Variants in SMIM41 observed in about 807,000 individuals in gnomAD.
SMIM41 encodes the protein small integral membrane protein 41.
chr12:52,092,571 T>G (rs1412366427), intron 2 of SMIM41: 2 of 152,216 alleles, frequency 1.3e-5, no homozygotes, highest in Non-Finnish European at 2.9e-5. Flanking sequence ...AGGGAGAGGA[T>G]TTCAAAGCAG....
chr12:52,104,925 C>T (rs1565672212), intron 2 of SMIM41, among the ~76,000 whole-genome samples: 1 of 152,202 alleles, frequency 6.6e-6, no homozygotes, highest in Non-Finnish European at 1.5e-5. Context: ...CAGCTTGTTT[C>T]ATTTCCTCTG....
intron 2 of SMIM41, among the ~76,000 whole-genome samples, chr12:52,099,401 A>T (rs1390303591): frequency 6.6e-6 from 1 of 151,904 alleles, no homozygotes; most frequent in African/African-American, 2.4e-5. Context: ...GATATTAGGA[A>T]CAACATCACA....
At chr12:52,084,235 G>A (rs982230918) in intron 2 of SMIM41, among the ~76,000 whole-genome samples, 3 of 152,006 alleles carry the variant, frequency 2.0e-5, no homozygotes, top group African/African-American at 7.2e-5. Context: ...TTAGCTGGAT[G>A]TGGCGGTGCA....
intron 2 of SMIM41, among the ~76,000 whole-genome samples, chr12:52,085,868 G>A (rs1288252513): frequency 2.0e-5 from 3 of 152,294 alleles, no homozygotes; most frequent in Non-Finnish European, 4.4e-5. Flanking sequence ...ACTCATGTCC[G>A]CTGCTGATGG....
chr12:52,102,744 G>A (rs1019934218), intron 2 of SMIM41, among the ~76,000 whole-genome samples: 4 of 152,168 alleles, frequency 2.6e-5, no homozygotes, highest in African/African-American at 7.2e-5. Context: ...AGGAATGCTC[G>A]AATATGATTG....
intron 2 of SMIM41, among the ~76,000 whole-genome samples, chr12:52,090,193 C>G (rs1157189584): frequency 6.6e-6 from 1 of 152,112 alleles, no homozygotes; most frequent in Non-Finnish European, 1.5e-5. Flanking sequence ...GCCTCAGCCT[C>G]CTGAGTAGCT....
At chr12:52,099,833 C>T (rs894492691) in intron 2 of SMIM41, among the ~76,000 whole-genome samples, 9 of 151,950 alleles carry the variant, frequency 5.9e-5, no homozygotes, top group Admixed American at 3.9e-4. Context: ...GCACCTTCTG[C>T]GATATTGGGA....
intron 2 of SMIM41, among the ~76,000 whole-genome samples, chr12:52,090,963 C>T (rs1939991886): frequency 6.6e-6 from 1 of 152,218 alleles, no homozygotes; most frequent in African/African-American, 2.4e-5. Flanking sequence ...GTTCCAAACC[C>T]ACAAAGGTGA....
intron 2 of SMIM41, among the ~76,000 whole-genome samples, chr12:52,103,132 C>T (rs1213206745): frequency 6.6e-6 from 1 of 152,090 alleles, no homozygotes; most frequent in Admixed American, 6.5e-5. Flanking sequence ...TCAAGACCAG[C>T]CTGGCCATCT....
chr12:52,097,271 C>G (rs1592327669), intron 2 of SMIM41, among the ~76,000 whole-genome samples: 1 of 152,052 alleles, frequency 6.6e-6, no homozygotes, highest in Non-Finnish European at 1.5e-5. Flanking sequence ...AGTACTATCA[C>G]CCCCCTCTCT....
chr12:52,097,941 C>T (rs528842742), intron 2 of SMIM41, among the ~76,000 whole-genome samples: 1 of 151,522 alleles, frequency 6.6e-6, no homozygotes, highest in Non-Finnish European at 1.5e-5. Flanking sequence ...GAATGTTATC[C>T]TCTCCCCCGC....
chr12:52,084,385 CAAACA>C (rs373134381), intron 2 of SMIM41, among the ~76,000 whole-genome samples: 603 of 22,474 alleles, frequency 0.027, 2 homozygotes, highest in African/African-American at 0.098. Flanking sequence ...AAAAAAAAAA[CAAACA>C]AAAAAAAACA....
At chr12:52,091,727 T>C (rs1284029721) in intron 2 of SMIM41, among the ~76,000 whole-genome samples, 1 of 152,218 alleles carries the variant, frequency 6.6e-6, no homozygotes, top group African/African-American at 2.4e-5. Flanking sequence ...AGATGTATGA[T>C]AGCTCCTTAA....
chr12:52,102,546 G>A (rs897850714), intron 2 of SMIM41, among the ~76,000 whole-genome samples: 5 of 152,158 alleles, frequency 3.3e-5, no homozygotes, highest in Non-Finnish European at 7.3e-5. Flanking sequence ...GAAACCCAAA[G>A]CATCCCATTA....
intron 1 of SMIM41, among the ~76,000 whole-genome samples, chr12:52,082,841 G>T (rs1939837624): frequency 6.6e-6 from 1 of 152,166 alleles, no homozygotes; most frequent in Non-Finnish European, 1.5e-5. Flanking sequence ...CAAAGACGGG[G>T]GTGGCTCTCT....
At chr12:52,105,883 T>C (rs1199290934) in intron 2 of SMIM41, among the ~76,000 whole-genome samples, 4 of 152,224 alleles carry the variant, frequency 2.6e-5, no homozygotes, top group Non-Finnish European at 4.4e-5. Flanking sequence ...CTTATCTGTA[T>C]GGCAAGGGGT....
At chr12:52,094,197 ATTTT>A (rs562390454) in intron 2 of SMIM41, among the ~76,000 whole-genome samples, 2 of 131,684 alleles carry the variant, frequency 1.5e-5, no homozygotes. Flanking sequence ...GAAGTTTTTG[ATTTT>A]TTTTTTTTTT....
At chr12:52,088,995 C>T (rs1939938708) in intron 2 of SMIM41, among the ~76,000 whole-genome samples, 2 of 151,912 alleles carry the variant, frequency 1.3e-5, no homozygotes, top group Admixed American at 1.3e-4. Context: ...CAACCATTCA[C>T]CCCTCACTCA....
At chr12:52,084,394 AAAAAC>A (rs899104255) in intron 2 of SMIM41, among the ~76,000 whole-genome samples, 4 of 152,088 alleles carry the variant, frequency 2.6e-5, no homozygotes, top group African/African-American at 9.6e-5. Context: ...ACAAACAAAA[AAAAAC>A]AAACAAAAAC....
Sources: allele counts gnomAD v4.1 joint callset (sites outside exome capture counted in the v4.1 genomes callset), GRCh38; gene constraint gnomAD v4.1.1; transcripts MANE v1.5; gene names NCBI Gene and HGNC (gene_info 2026-07-23, HGNC 2026-07-21).